Variants in CCDC171 observed in about 807,000 individuals in gnomAD.
CCDC171 encodes coiled-coil domain containing 171.
In CCDC171, 177 loss-of-function variants were observed where a neutral mutation model predicts 168.2. That is an observed-to-expected ratio of 1.05 (90% CI 0.93 to 1.19). The LOEUF is 1.19. Among genes scored for constraint, CCDC171 ranks in the 50% most tolerant of loss-of-function variants. The probability of loss-of-function intolerance (pLI) is 0.00; values close to 1 mark genes in which losing one functional copy is unlikely to be tolerated. For missense variants in CCDC171, 1,991 were observed against 1,539.0 expected (o/e 1.29, Z -4.91); for synonymous variants, 687 against 540.8 (o/e 1.27, Z -3.75).
At chr9:15,990,664 C>G (rs1832161206) in intron 3 of CCDC171, among the ~76,000 whole-genome samples, 2 of 152,178 alleles carry the variant, frequency 1.3e-5, no homozygotes, top group South Asian at 4.1e-4. Context: ...CATCAGTGTG[C>G]TGTATTCAGG....
chr9:16,052,399 C>T (rs1188287155), intron 1 of CCDC171, among the ~76,000 whole-genome samples: 3 of 152,110 alleles, frequency 2.0e-5, no homozygotes, highest in African/African-American at 4.8e-5. Flanking sequence ...CTGTCATGAA[C>T]GAGTGACAGC....
At position 15,865,324 on chromosome 9, in the gene CCDC171, T is replaced by TATAC. The variant is rs556960142; in HGVS notation, c.3469-9192_3469-9189dup. Among the ~76,000 whole-genome samples the TATAC allele has an allele frequency of 8.5e-3, 1,287 of 152,000 alleles. 15 individuals carry two copies. The highest frequency in any genetic ancestry group is 0.029 in the African/African-American group (1,217 of 41,478). Reference sequence around the variant, plus strand: ...CTGTAGTAGCCTCTGGGGAAACAAATATACATACATACATACATATATATA... The same window carrying TATAC: ...CTGTAGTAGCCTCTGGGGAAACAAATATACATACATACATACATACATATATATA... On this transcript the variant is annotated intron_variant, in intron 23 of 25. Transcript: ENST00000380701.
chr9:16,046,035 T>C (rs1476287760), intron 1 of CCDC171, among the ~76,000 whole-genome samples: 1 of 152,198 alleles, frequency 6.6e-6, no homozygotes, highest in Non-Finnish European at 1.5e-5. Flanking sequence ...ACAGAAGTCT[T>C]ATTAACCTAT....
chr9:15,610,162 C>T (rs1217202421), intron 6 of CCDC171, among the ~76,000 whole-genome samples: 2 of 151,750 alleles, frequency 1.3e-5, no homozygotes, highest in African/African-American at 4.8e-5. Flanking sequence ...GGATATAAGT[C>T]ATACTTATTT....
At chr9:15,757,683 G>C (rs2056206460) in intron 18 of CCDC171, among the ~76,000 whole-genome samples, 1 of 152,162 alleles carries the variant, frequency 6.6e-6, no homozygotes, top group South Asian at 2.1e-4. Context: ...TCCCATCACA[G>C]GCCCAGAGTC....
chr9:15,654,065 C>A (rs763208370), intron 7 of CCDC171, among the ~76,000 whole-genome samples: 1 of 152,002 alleles, frequency 6.6e-6, no homozygotes, highest in Non-Finnish European at 1.5e-5. Context: ...CACCTTTCAG[C>A]GGAATGCCTG....
At chr9:15,897,078 T>G (rs973838207) in intron 24 of CCDC171, among the ~76,000 whole-genome samples, 1 of 152,070 alleles carries the variant, frequency 6.6e-6, no homozygotes, top group Admixed American at 6.6e-5. Context: ...ATATCCAGCA[T>G]GTATAGATCT....
chr9:15,742,395 T>G (rs2054940099), intron 16 of CCDC171, among the ~76,000 whole-genome samples: 1 of 152,246 alleles, frequency 6.6e-6, no homozygotes, highest in South Asian at 2.1e-4. Flanking sequence ...TCTGAATTAT[T>G]TGCATCCTTA....
intron 3 of CCDC171, among the ~76,000 whole-genome samples, chr9:16,007,788 T>C (rs1832750679): frequency 6.6e-6 from 1 of 152,252 alleles, no homozygotes; most frequent in African/African-American, 2.4e-5. Flanking sequence ...TCCATTGGTC[T>C]ATGTCTCTGT....
intron 25 of CCDC171, among the ~76,000 whole-genome samples, chr9:15,955,988 A>G (rs1223317760): frequency 6.6e-6 from 1 of 152,196 alleles, no homozygotes; most frequent in Non-Finnish European, 1.5e-5. Context: ...ATAGATTTAG[A>G]TGAAAAATGT....
chr9:15,739,385 G>C (rs770806399), intron 16 of CCDC171, among the ~76,000 whole-genome samples: 18 of 152,134 alleles, frequency 1.2e-4, no homozygotes, highest in Non-Finnish European at 2.2e-4. Context: ...TTCTTTACTG[G>C]GGAAGACGTG....
chr9:16,098,358 C>G, the CCDC171 span, among the ~76,000 whole-genome samples: 1 of 152,118 alleles, frequency 6.6e-6, no homozygotes, highest in African/African-American at 2.4e-5. Context: ...TTGTTGTCGT[C>G]GTCGTCATCA....
chr9:15,792,524 G>A (rs2058322430), intron 21 of CCDC171, among the ~76,000 whole-genome samples: 1 of 152,182 alleles, frequency 6.6e-6, no homozygotes, highest in Non-Finnish European at 1.5e-5. Flanking sequence ...ATAATTGTCA[G>A]ATTCACCAAA....
rs146708488 is a variant in CCDC171 at position 15,817,301 on chromosome 9, A to G, written c.3268-29401A>G. Among the ~76,000 whole-genome samples the G allele has an allele frequency of 2.8e-4, 33 of 117,326 alleles. 10 individuals carry two copies. Among genetic ancestry groups the G allele is most frequent in the African/African-American group, 9.9e-4 (31 of 31,418 alleles). The allele number at this position is 117,326 out of a possible 152,430, so 77.0% of individuals were successfully genotyped here. ...AAGATGGGTGATTTCTGCATTTCCA[A>G]CTGAGGTAACGGGTTCATCTCACTG... On this transcript the variant is annotated intron_variant, in intron 21 of 25. Transcript: ENST00000380701.
intron 21 of CCDC171, among the ~76,000 whole-genome samples, chr9:15,800,231 C>T (rs1351673655): frequency 6.6e-6 from 1 of 152,072 alleles, no homozygotes; most frequent in African/African-American, 2.4e-5. Context: ...ACATTCCCAC[C>T]AACAGCATAC....
At position 15,850,458 on chromosome 9, in the gene CCDC171, A is replaced by G. The variant is rs896196877; in HGVS notation, c.3468+1511A>G. ...TGATTTTTGTGTCATATGGAAAGAA[A>G]GCTGTCTGTAAATCTGGTCTATAGC... On this transcript the variant is annotated intron_variant, in intron 23 of 25. Coordinates refer to ENST00000380701, the MANE Select transcript of CCDC171 (RefSeq NM_173550.4). The G allele has an allele frequency of 5.3e-5, 8 of 152,120 alleles. No homozygotes were observed. The East Asian group carries it at 1.5e-3, about 29-fold the overall frequency. The allele number at this position is 152,120 out of a possible 1,614,324, so 9.4% of individuals were successfully genotyped here.
At chr9:16,045,280 A>G (rs958402264) in intron 1 of CCDC171, among the ~76,000 whole-genome samples, 7 of 152,178 alleles carry the variant, frequency 4.6e-5, no homozygotes, top group African/African-American at 1.7e-4. Flanking sequence ...GAAGGAGGCC[A>G]CCAAAGGGAA....
intron 6 of CCDC171, among the ~76,000 whole-genome samples, chr9:16,035,024 G>C (rs901811858): frequency 2.0e-5 from 3 of 152,170 alleles, no homozygotes; most frequent in Non-Finnish European, 2.9e-5. Context: ...GCTACCCCAA[G>C]ACCTTTGACG....
At chr9:15,962,471 T>G (rs1830439303) in intron 25 of CCDC171, among the ~76,000 whole-genome samples, 1 of 152,200 alleles carries the variant, frequency 6.6e-6, no homozygotes, top group South Asian at 2.1e-4. Flanking sequence ...GATCCAATGG[T>G]TCTATCAATT....
Sources: gnomAD v4.1 joint callset for allele counts (sites outside exome capture counted in the v4.1 genomes callset) on GRCh38, gnomAD v4.1.1 for gene constraint, MANE v1.5 for transcripts, NCBI Gene and HGNC (gene_info 2026-07-23, HGNC 2026-07-21) for gene names.